Variants in GPATCH1 observed in about 807,000 individuals in gnomAD.
The protein encoded by GPATCH1 is G-patch domain containing 1, also known as G patch domain-containing protein 1.
GPATCH1 carries 73 observed loss-of-function variants against 114.9 expected under a neutral mutation model. The ratio of observed to expected loss-of-function variants is 0.64; its 90% confidence interval spans 0.53 to 0.77. The LOEUF (loss-of-function observed/expected upper bound fraction) is 0.77. Ranked by LOEUF, GPATCH1 falls within the 30% of genes least tolerant of loss-of-function variation. GPATCH1 has a pLI of 0.00. For synonymous variants in GPATCH1, 391 were observed against 428.4 expected, an observed-to-expected ratio of 0.91 and a Z score of 1.08; for missense variants, 1,058 against 1,144.3, an observed-to-expected ratio of 0.92 and a Z score of 1.09.
At chr19:33,099,630 A>G (rs960969940) in intron 8 of GPATCH1, among the ~76,000 whole-genome samples, 1 of 150,262 alleles carries the variant, frequency 6.7e-6, no homozygotes, top group Non-Finnish European at 1.5e-5. Flanking sequence ...ACAGAGTCTC[A>G]CTCTGTCACC....
In GPATCH1 at chr19:33,117,819, A is replaced by G. The variant is rs1461903120; in HGVS notation, c.2197-6A>G. ...ATCCCTGACTCTTATTTCACTGTCA[A>G]TACAGACCGTCAACAAAGATGTGGA... is the stretch of plus-strand genomic sequence containing the variant. On this transcript the variant is annotated splice_region_variant and splice_polypyrimidine_tract_variant and intron_variant, in intron 15 of 19. Coordinates refer to ENST00000170564, the MANE Select transcript of GPATCH1 (RefSeq NM_018025.3). 10 of 1,606,502 alleles carry G rather than the reference A, an allele frequency of 6.2e-6. No individual in the cohort carries two copies. Among genetic ancestry groups the G allele is most frequent in the African/African-American group, 1.3e-5 (1 of 74,762 alleles).
Position 33,106,917 on chromosome 19 carries a change from G to A in GPATCH1, c.1285+18G>A, listed in dbSNP as rs777071338. ...TATTCAAGGTATGTGCCATGGAGAAGACGGAAATCATTTCACATAATTCGA... is the reference window on the plus strand; with the variant it reads ...TATTCAAGGTATGTGCCATGGAGAAAACGGAAATCATTTCACATAATTCGA... On this transcript the variant is annotated intron_variant, in intron 10 of 19. Transcript: ENST00000170564. The A allele has an allele frequency of 6.4e-7, 1 of 1,570,140 alleles. No homozygotes were observed. Among genetic ancestry groups the A allele is most frequent in the Non-Finnish European group, 8.7e-7 (1 of 1,144,642 alleles).
intron 14 of GPATCH1, 93 bp downstream of exon 14, chr19:33,113,996 A>C: frequency 8.9e-7 from 1 of 1,120,896 alleles, no homozygotes; most frequent in Non-Finnish European, 1.3e-6. Context: ...AGTCCTAACA[A>C]TGTGAATGGT....
At chr19:33,096,008 A>G (rs1248870110) in intron 6 of GPATCH1, among the ~76,000 whole-genome samples, 188 bp downstream of exon 6, 1 of 152,230 alleles carries the variant, frequency 6.6e-6, no homozygotes. Flanking sequence ...ACAGATACCC[A>G]GGTCTGTTCA....
chr19:33,122,400 C>G (rs1328019719), intron 17 of GPATCH1, among the ~76,000 whole-genome samples: 7 of 151,044 alleles, frequency 4.6e-5, no homozygotes, highest in Non-Finnish European at 7.4e-5. Context: ...TCTTGGCTCA[C>G]TGCAAGCTGC....
intron 5 of GPATCH1, 85 bp from the exon 6 acceptor site, chr19:33,095,677 C>T (rs1972649030): frequency 5.7e-6 from 5 of 872,646 alleles, no homozygotes; most frequent in East Asian, 4.8e-5. Flanking sequence ...GCTGGGATTA[C>T]AGGTGTGATC....
At chr19:33,085,108 T>C (rs1384478357) in intron 1 of GPATCH1, among the ~76,000 whole-genome samples, 1 of 152,182 alleles carries the variant, frequency 6.6e-6, no homozygotes, top group Non-Finnish European at 1.5e-5. Context: ...TACGTGCAGG[T>C]CTTCTCTGCT....
Position 33,088,157 on chromosome 19 carries a change from C to T in GPATCH1, c.97C>T (p.Pro33Ser), listed in dbSNP as rs755612247. ...EEGERPKKPI[P>S]LQDQTVRDEK... is the part of the protein sequence containing the mutation. ...AGGTGAAAGACCAAAGAAACCAATC[C>T]CTCTTCAGGATCAGACTGTCAGAGA... The change falls in exon 2 of 20, where the codon CCT becomes TCT. Residue 33 changes from proline to serine, a missense_variant. Pro to Ser is a moderately conservative substitution (Grantham distance 74, BLOSUM62 -1). Around this residue, in one of 3 missense-constraint regions of GPATCH1, gnomAD observed 131 missense variants for 107.2 expected, o/e 1.22. Transcript: ENST00000170564. 3 of 1,555,828 alleles carry T rather than the reference C, an allele frequency of 1.9e-6. No homozygotes were observed. Among genetic ancestry groups the T allele is most frequent in the African/African-American group, 2.8e-5 (2 of 71,370 alleles).
intron 3 of GPATCH1, among the ~76,000 whole-genome samples, chr19:33,091,903 C>T (rs1412828783): frequency 1.3e-5 from 2 of 152,040 alleles, no homozygotes; most frequent in African/African-American, 4.8e-5. Context: ...GTGCTGAGAC[C>T]CCAGGCTCTC....
At chr19:33,120,158 T>C (rs1972963583) in intron 17 of GPATCH1, among the ~76,000 whole-genome samples, 4 of 140,616 alleles carry the variant, frequency 2.8e-5, no homozygotes, top group Admixed American at 1.5e-4. Flanking sequence ...TATGTAAATA[T>C]TTAAAATAAA....
At chr19:33,085,104 C>T (rs916573340) in intron 1 of GPATCH1, among the ~76,000 whole-genome samples, 6 of 152,184 alleles carry the variant, frequency 3.9e-5, no homozygotes, top group African/African-American at 1.4e-4. Flanking sequence ...CCAGTACGTG[C>T]AGGTCTTCTC....
At chr19:33,108,221 T>C (rs10416218) in intron 10 of GPATCH1, among the ~76,000 whole-genome samples, 62,793 of 151,816 alleles carry the variant, frequency 0.41, 16,429 homozygotes, top group African/African-American at 0.73. Context: ...CCTGTCCATC[T>C]CCCGTAGACT....
At chr19:33,087,864 T>G (rs1972549842) in intron 1 of GPATCH1, among the ~76,000 whole-genome samples, 1 of 151,876 alleles carries the variant, frequency 6.6e-6, no homozygotes, top group African/African-American at 2.4e-5. Context: ...TTGTATTTGT[T>G]AGTAGAGCCG....
At chr19:33,095,181 G>T (rs1972641213) in intron 5 of GPATCH1, among the ~76,000 whole-genome samples, 1 of 150,216 alleles carries the variant, frequency 6.7e-6, no homozygotes, top group Non-Finnish European at 1.5e-5. Context: ...ACAATTCCCA[G>T]TTATCTTCCT....
chr19:33,127,695 A>G (rs959839317), intron 19 of GPATCH1, among the ~76,000 whole-genome samples: 1 of 151,944 alleles, frequency 6.6e-6, no homozygotes, highest in Admixed American at 6.6e-5. Flanking sequence ...ACTCACGTAC[A>G]TGGATGCACA....
chr19:33,088,834 GT>G (rs1972563314), intron 2 of GPATCH1, among the ~76,000 whole-genome samples: 1 of 151,108 alleles, frequency 6.6e-6, no homozygotes, highest in South Asian at 2.1e-4. Flanking sequence ...TTTTTTTTGT[GT>G]TTATAGAGAC....
At chr19:33,090,638 C>T (rs1048605846) in intron 2 of GPATCH1, 142 bp from the exon 3 acceptor site, 8 of 565,648 alleles carry the variant, frequency 1.4e-5, no homozygotes, top group South Asian at 2.4e-5. Context: ...GGAATAATTA[C>T]GTCTATATAA....
chr19:33,101,620 A>G, intron 9 of GPATCH1, 46 bp downstream of exon 9: 1 of 936,470 alleles, frequency 1.1e-6, no homozygotes, highest in Non-Finnish European at 1.7e-6. Context: ...TTTAGTTCTT[A>G]AAATATTTGC....
chr19:33,115,743 C>T (rs1972910213), intron 15 of GPATCH1, among the ~76,000 whole-genome samples: 1 of 152,108 alleles, frequency 6.6e-6, no homozygotes, highest in Non-Finnish European at 1.5e-5. Flanking sequence ...ATCTGCCCGC[C>T]TCAGCCTCCC....
Sources: allele counts gnomAD v4.1 joint callset (sites outside exome capture counted in the v4.1 genomes callset), GRCh38; gene constraint gnomAD v4.1.1; regional missense constraint gnomAD v4.1.1; transcripts MANE v1.5; gene names NCBI Gene and HGNC (gene_info 2026-07-23, HGNC 2026-07-21).